The following DGKI variants were observed in gnomAD, a reference collection of about 807,000 sequenced individuals.
DGKI encodes diacylglycerol kinase iota, also known as DAG kinase iota.
A neutral mutation model predicts 147.5 loss-of-function variants in DGKI; 55 were observed. That is an observed-to-expected ratio of 0.37 (90% CI 0.30 to 0.47). The LOEUF is 0.47. DGKI is among the 20% of genes least tolerant of loss of function. DGKI has a pLI of 1.00. For missense variants in DGKI, 1,007 were observed against 1,323.8 expected (o/e 0.76, Z 3.71); for synonymous variants, 469 against 477.1 (o/e 0.98, Z 0.22).
At chr7:137,393,197 T>G (rs930886834) in intron 32 of DGKI, among the ~76,000 whole-genome samples, 1 of 147,322 alleles carries the variant, frequency 6.8e-6, no homozygotes, top group South Asian at 2.2e-4. Context: ...ATGTGAGGGG[T>G]TTATAATTAT....
At chr7:137,642,187 G>T (rs929846267) in intron 6 of DGKI, among the ~76,000 whole-genome samples, 1 of 152,148 alleles carries the variant, frequency 6.6e-6, no homozygotes, top group Non-Finnish European at 1.5e-5. Context: ...GTAAAGAGTT[G>T]GCTTTTATGG....
At chr7:137,638,950 T>C (rs542049916) in intron 6 of DGKI, among the ~76,000 whole-genome samples, 1 of 152,056 alleles carries the variant, frequency 6.6e-6, no homozygotes, top group Non-Finnish European at 1.5e-5. Context: ...AAACTAGCTC[T>C]CCTCACCTGG....
chr7:137,498,803 CT>C (rs547578967), intron 21 of DGKI, among the ~76,000 whole-genome samples: 5 of 152,184 alleles, frequency 3.3e-5, no homozygotes, highest in Admixed American at 6.5e-5. Flanking sequence ...ATATTACCCC[CT>C]GACATGCTCT....
At chr7:137,452,418 G>A (rs558102709) in intron 27 of DGKI, among the ~76,000 whole-genome samples, 11 of 152,262 alleles carry the variant, frequency 7.2e-5, no homozygotes, top group East Asian at 1.9e-4. Context: ...GAAACAAAGC[G>A]GGAATGCTGG....
Position 137,466,921 on chromosome 7 carries a change from T to C in DGKI, c.2465A>G (p.Tyr822Cys). 3 of 1,614,098 alleles carry C rather than the reference T, an allele frequency of 1.9e-6. No homozygotes were observed. Among genetic ancestry groups the C allele is most frequent in the Non-Finnish European group, 2.5e-6 (3 of 1,180,028 alleles). Residue 822 changes from tyrosine to cysteine, a missense_variant, in exon 25 of 33, where the codon TAT becomes TGT. Physicochemically the swap from Tyr to Cys is radical, Grantham distance 194. Around this residue, in one of 5 missense-constraint regions of DGKI, gnomAD observed 385 missense variants for 445.2 expected, o/e 0.86. Transcript: ENST00000614521. ...ACTTACCTGAGATCTGTCTATTCGA[T>C]AAAAGCGATCAGCAGAAGTTGCTAG... The part of the protein sequence containing the change: ...FLDATSADRF[Y>C]RIDRSQEHLH...
At chr7:137,664,837 G>T (rs1399936075) in intron 3 of DGKI, among the ~76,000 whole-genome samples, 1 of 152,084 alleles carries the variant, frequency 6.6e-6, no homozygotes, top group Non-Finnish European at 1.5e-5. Flanking sequence ...ACAGAAATAA[G>T]TACTAAAAAG....
chr7:137,537,436 G>A (rs1817556572), intron 20 of DGKI, among the ~76,000 whole-genome samples: 2 of 151,872 alleles, frequency 1.3e-5, no homozygotes, highest in South Asian at 4.2e-4. Context: ...CCCCATTCAT[G>A]GAAATCCATC....
At chr7:137,565,869 A>T (rs1818566229) in intron 19 of DGKI, among the ~76,000 whole-genome samples, 1 of 152,214 alleles carries the variant, frequency 6.6e-6, no homozygotes, top group African/African-American at 2.4e-5. Flanking sequence ...GCAGGAATGC[A>T]TTTCAACCAG....
At chr7:137,585,556 T>C in intron 13 of DGKI, among the ~76,000 whole-genome samples, 1 of 152,216 alleles carries the variant, frequency 6.6e-6, no homozygotes, top group East Asian at 1.9e-4. Context: ...TGGTTTGAGC[T>C]GAGGAATATT....
chr7:137,770,707 G>T lies in DGKI; in HGVS notation c.401+75755C>A, dbSNP rs1001920137. 2.0e-5 allele frequency among the ~76,000 whole-genome samples: 2 copies of T among 100,910 alleles called. 1 individual carries two copies. Among genetic ancestry groups the T allele is most frequent in the Admixed American group, 1.6e-4 (2 of 12,256 alleles). 66.2% of individuals were successfully genotyped at this position (100,910 alleles called of 152,430 possible). On this transcript the variant is annotated intron_variant, in intron 1 of 32. Transcript: ENST00000614521. The stretch of plus-strand genomic sequence containing the variant: ...CGCCACTACGCCCGGCTAATTTTTT[G>T]TATTTTTAGTAGAGACGGGGTTTCA...
chr7:137,573,283 T>C (rs1424771891), intron 17 of DGKI, among the ~76,000 whole-genome samples: 1 of 152,248 alleles, frequency 6.6e-6, no homozygotes, highest in Non-Finnish European at 1.5e-5. Context: ...AATGATTTAT[T>C]TTCTTCGTTT....
chr7:137,715,196 A>G (rs1794339993), intron 1 of DGKI, among the ~76,000 whole-genome samples: 2 of 152,218 alleles, frequency 1.3e-5, no homozygotes, highest in African/African-American at 2.4e-5. Context: ...GGTAGAAACT[A>G]GGCTTCAATA....
chr7:137,580,169 C>T (rs941415581), intron 15 of DGKI, among the ~76,000 whole-genome samples: 2 of 151,982 alleles, frequency 1.3e-5, no homozygotes, highest in African/African-American at 4.8e-5. Context: ...TTTTGGAAAT[C>T]CATGTATTTG....
At chr7:137,789,624 A>C (rs957877193) in intron 1 of DGKI, among the ~76,000 whole-genome samples, 1 of 152,218 alleles carries the variant, frequency 6.6e-6, no homozygotes, top group Admixed American at 6.5e-5. Flanking sequence ...AGGAAAAAAA[A>C]ACACACAAAA....
intron 19 of DGKI, among the ~76,000 whole-genome samples, chr7:137,562,219 T>C (rs577495539): frequency 6.8e-6 from 1 of 147,426 alleles, no homozygotes; most frequent in Non-Finnish European, 1.5e-5. Flanking sequence ...TCATATGGAA[T>C]GTGAAAGATG....
chr7:137,735,888 G>A (rs1031954197), intron 1 of DGKI, among the ~76,000 whole-genome samples: 2 of 152,130 alleles, frequency 1.3e-5, no homozygotes, highest in Non-Finnish European at 2.9e-5. Flanking sequence ...CACACTAAAC[G>A]CCTGTGCTAG....
At chr7:137,576,165 G>A (rs1260318713) in intron 17 of DGKI, among the ~76,000 whole-genome samples, 1 of 151,038 alleles carries the variant, frequency 6.6e-6, no homozygotes, top group Non-Finnish European at 1.5e-5. Flanking sequence ...AGCCTCCCGA[G>A]TAGCTGGGAC....
At position 137,513,854 on chromosome 7, in the gene DGKI, G is replaced by C. The variant is rs1025143230; in HGVS notation, c.2248+8012C>G. The stretch of plus-strand genomic sequence containing the variant: ...TAGCGCCATTTTTTTGGAAACCTCT[G>C]CGCCATGAGAGCCAAGTGGAGGAAG... On this transcript the variant is annotated intron_variant, in intron 21 of 32. Transcript: ENST00000614521. 7.2e-6 allele frequency: 5 copies of C among 697,576 alleles called. No individual in the cohort carries two copies. In the African/African-American group the frequency reaches 8.8e-5, roughly 12 times the overall value. The allele number at this position is 697,576 out of a possible 1,614,324, so 43.2% of individuals were successfully genotyped here. A position where few individuals can be genotyped will look rare whatever the true frequency, so the allele number is the denominator to read the frequency against.
chr7:137,641,032 C>T (rs1358689264), intron 6 of DGKI, among the ~76,000 whole-genome samples: 1 of 152,084 alleles, frequency 6.6e-6, no homozygotes, highest in African/African-American at 2.4e-5. Flanking sequence ...TGGGAGGAAC[C>T]CGGTGGCAGG....
Sources: gnomAD v4.1 joint callset for allele counts (sites outside exome capture counted in the v4.1 genomes callset) on GRCh38, gnomAD v4.1.1 for gene constraint, gnomAD v4.1.1 regional missense constraint, MANE v1.5 for transcripts, NCBI Gene and HGNC (gene_info 2026-07-23, HGNC 2026-07-21) for gene names.